The following COX14 variants were observed in gnomAD, a reference collection of about 807,000 sequenced individuals.
COX14 encodes cytochrome c oxidase assembly protein COX14.
A neutral mutation model predicts 5.8 loss-of-function variants in COX14; 3 were observed. That is an observed-to-expected ratio of 0.51 (90% confidence interval 0.23 to 1.33). The LOEUF (loss-of-function observed/expected upper bound fraction) is 1.33. Ranked by LOEUF, COX14 falls within the 40% of genes most tolerant of loss-of-function variation. COX14 has a pLI of 0.18. For synonymous variants in COX14, 25 were observed against 26.1 expected, an observed-to-expected ratio of 0.96 and a Z score of 0.13; for missense variants, 72 against 72.1, an observed-to-expected ratio of 1.00 and a Z score of 0.01.
At chr12:50,118,874 T>C (rs1416847163) in intron 1 of COX14, among the ~76,000 whole-genome samples, 3 of 152,254 alleles carry the variant, frequency 2.0e-5, no homozygotes, top group African/African-American at 7.2e-5. Context: ...AGTCTTTTAA[T>C]TTCAGTTCCC....
intron 1 of COX14, among the ~76,000 whole-genome samples, chr12:50,114,552 T>G (rs1464956805): frequency 2.0e-5 from 3 of 151,668 alleles, no homozygotes; most frequent in African/African-American, 7.3e-5. Flanking sequence ...GCGCCGGGCC[T>G]TGGAATTTCC....
chr12:50,113,546 ACCCGCCTCGG>A (rs1424150766), intron 1 of COX14, among the ~76,000 whole-genome samples: 3 of 141,010 alleles, frequency 2.1e-5, no homozygotes, highest in Non-Finnish European at 3.1e-5. Flanking sequence ...CTCGTGATCC[ACCCGCCTCGG>A]CCTCCCAAAG....
intron 1 of COX14, 191 bp downstream of exon 1, chr12:50,112,492 C>G (rs1447403341): frequency 2.0e-6 from 2 of 985,396 alleles, no homozygotes; most frequent in Non-Finnish European, 2.4e-6. Context: ...CTCCTCGCAG[C>G]AGTAGGTCAG....
chr12:50,117,045 T>C (rs1189241973), intron 1 of COX14, among the ~76,000 whole-genome samples: 2 of 152,204 alleles, frequency 1.3e-5, no homozygotes, highest in Non-Finnish European at 2.9e-5. Flanking sequence ...GGTCTCACTC[T>C]GTCACCCAAG....
At chr12:50,115,846 G>A (rs963254184) in intron 1 of COX14, among the ~76,000 whole-genome samples, 2 of 151,728 alleles carry the variant, frequency 1.3e-5, no homozygotes, top group African/African-American at 2.4e-5. Context: ...CCACTGCACC[G>A]GCCACGTGAT....
At chr12:50,116,704 G>C (rs1951083537) in intron 1 of COX14, among the ~76,000 whole-genome samples, 1 of 152,212 alleles carries the variant, frequency 6.6e-6, no homozygotes, top group South Asian at 2.1e-4. Flanking sequence ...CTCCATGGGT[G>C]TGTGTTTTGT....
chr12:50,114,504 G>A (rs561303375), intron 1 of COX14, among the ~76,000 whole-genome samples: 8 of 151,976 alleles, frequency 5.3e-5, no homozygotes, highest in East Asian at 1.9e-4. Context: ...CGCCCTCCTC[G>A]GCTTCCCAAA....
intron 1 of COX14, among the ~76,000 whole-genome samples, chr12:50,119,323 A>G (rs111841702): frequency 7.2e-5 from 11 of 152,310 alleles, no homozygotes; most frequent in African/African-American, 2.4e-4. Flanking sequence ...TTCACTGCAA[A>G]TGTTTCATTT....
intron 1 of COX14, among the ~76,000 whole-genome samples, chr12:50,113,947 C>CATT (rs1348685906): frequency 6.7e-6 from 1 of 149,810 alleles, no homozygotes; most frequent in South Asian, 2.1e-4. Flanking sequence ...TCTTTATTAT[C>CATT]ATTATTATTA....
At chr12:50,114,760 G>A (rs1951063791) in intron 1 of COX14, among the ~76,000 whole-genome samples, 1 of 136,524 alleles carries the variant, frequency 7.3e-6, no homozygotes, top group Non-Finnish European at 1.6e-5. Flanking sequence ...ATGTTGTGTT[G>A]AGTATCTTAA....
chr12:50,114,503 CG>C (rs1951061098), intron 1 of COX14, among the ~76,000 whole-genome samples: 1 of 152,046 alleles, frequency 6.6e-6, no homozygotes, highest in African/African-American at 2.4e-5. Context: ...CCGCCCTCCT[CG>C]GCTTCCCAAA....
In COX14 at chr12:50,118,236, A is replaced by T. The variant is rs184231225; in HGVS notation, c.-8-1800A>T. Among the ~76,000 whole-genome samples the T allele has an allele frequency of 7.3e-3, 1,111 of 151,814 alleles. 13 individuals carry two copies. The highest frequency in any genetic ancestry group is 0.026 in the African/African-American group (1,059 of 41,358). ...TACTTTTTGTATTTTTAGTAGAGAC[A>T]GGGTTTCACCATGTTTGCCAGGCTG... On this transcript the variant is annotated intron_variant, in intron 1 of 1. Coordinates refer to ENST00000550487, the MANE Select transcript of COX14 (RefSeq NM_032901.4).
chr12:50,118,858 T>A (rs1305763156), intron 1 of COX14, among the ~76,000 whole-genome samples: 1 of 152,198 alleles, frequency 6.6e-6, no homozygotes, highest in Non-Finnish European at 1.5e-5. Context: ...CTCGCTAATT[T>A]CAGTCAGTCT....
At chr12:50,114,469 C>G (rs1319770209) in intron 1 of COX14, among the ~76,000 whole-genome samples, 1 of 152,008 alleles carries the variant, frequency 6.6e-6, no homozygotes, top group East Asian at 1.9e-4. Flanking sequence ...TCAGGCTGGT[C>G]TCGAGCTCCC....
At chr12:50,116,162 G>T (rs1454010579) in intron 1 of COX14, among the ~76,000 whole-genome samples, 1 of 148,584 alleles carries the variant, frequency 6.7e-6, no homozygotes, top group Non-Finnish European at 1.5e-5. Flanking sequence ...GCACTCTCTT[G>T]GCTCACTGCA....
intron 1 of COX14, among the ~76,000 whole-genome samples, chr12:50,113,909 A>G (rs991673737): frequency 6.6e-6 from 1 of 151,582 alleles, no homozygotes; most frequent in Non-Finnish European, 1.5e-5. Flanking sequence ...CTGAGATTAC[A>G]GGTGGCTCAC....
At chr12:50,119,984 G>T in intron 1 of COX14, 52 bp from the exon 2 acceptor site, 1 of 1,414,072 alleles carries the variant, frequency 7.1e-7, no homozygotes, top group Non-Finnish European at 1.0e-6. Flanking sequence ...AGGGAGATGG[G>T]CTGGGCAGAT....
chr12:50,114,220 A>AG (rs11447477), intron 1 of COX14, among the ~76,000 whole-genome samples: 1 of 52,792 alleles, frequency 1.9e-5, no homozygotes, highest in African/African-American at 1.1e-4. Context: ...TAGTTAAATG[A>AG]AAAAAAAAAA....
chr12:50,118,771 AATATATCT>A (rs1333290715), intron 1 of COX14, among the ~76,000 whole-genome samples: 2 of 152,308 alleles, frequency 1.3e-5, no homozygotes, highest in East Asian at 3.9e-4. Context: ...CGTCTCAAAA[AATATATCT>A]ATATATCTAT....
Sources: allele counts gnomAD v4.1 joint callset (sites outside exome capture counted in the v4.1 genomes callset), GRCh38; gene constraint gnomAD v4.1.1; transcripts MANE v1.5; gene names NCBI Gene and HGNC (gene_info 2026-07-23, HGNC 2026-07-21).